PTPRO: variants seen among roughly 807,000 people sequenced by gnomAD.
PTPRO encodes the protein receptor-type tyrosine-protein phosphatase O.
Under a neutral mutation model 145.2 loss-of-function variants are expected in PTPRO, and 62 were observed. That is an observed-to-expected ratio of 0.43 (90% confidence interval 0.35 to 0.53). The LOEUF is 0.53. PTPRO is among the 20% of genes least tolerant of loss of function. PTPRO has a pLI of 0.01. For synonymous variants in PTPRO, 565 were observed against 514.7 expected (o/e 1.10, Z -1.32); for missense variants, 1,345 against 1,482.7 (o/e 0.91, Z 1.53).
chr12:15,384,103 T>C (rs1020131391), intron 1 of PTPRO, among the ~76,000 whole-genome samples: 8 of 152,100 alleles, frequency 5.3e-5, no homozygotes, highest in Admixed American at 6.5e-5. Context: ...GAGAGTATAA[T>C]AAGGCATGTA....
At chr12:15,403,349 G>A (rs545821002) in intron 1 of PTPRO, among the ~76,000 whole-genome samples, 117 of 152,110 alleles carry the variant, frequency 7.7e-4, no homozygotes, top group South Asian at 6.2e-3. Flanking sequence ...TTGGGAGGCC[G>A]AGGCGGATGG....
rs199577382 is a variant in PTPRO, at chr12:15,322,830, C to T, written c.75+29C>T. 3,116 of 1,603,472 alleles carry T rather than the reference C, an allele frequency of 1.9e-3. 26 individuals are homozygous for T. The highest frequency in any genetic ancestry group is 0.015 in the South Asian group (1,311 of 89,978). ...GGGGAGCTCCTCCACCCCTTTTTCC[C>T]AGCGGTCCGGGCGGCAGCCGCGCTC... On this transcript the variant is annotated intron_variant, in intron 1 of 26. Transcript: ENST00000281171. The surrounding 1 kb of genome is among the most constrained non-coding windows in gnomAD (Gnocchi z 6.3).
chr12:15,345,951 C>T (rs1220485137), intron 1 of PTPRO, among the ~76,000 whole-genome samples: 2 of 152,118 alleles, frequency 1.3e-5, no homozygotes, highest in Non-Finnish European at 2.9e-5. Context: ...CTCTGAGCCT[C>T]TCTCATAAGT....
intron 1 of PTPRO, among the ~76,000 whole-genome samples, chr12:15,352,603 T>C (rs919390943): frequency 2.1e-5 from 3 of 141,338 alleles, no homozygotes; most frequent in Non-Finnish European, 4.5e-5. Context: ...TGAGCCGGGA[T>C]CGCACCACTG....
Position 15,412,666 on chromosome 12 carries a change from A to T in PTPRO, c.76-71308A>T, listed in dbSNP as rs1468747755. On this transcript the variant is annotated intron_variant, in intron 1 of 26. Transcript: ENST00000281171. ...GATGATCTTTACATTCTGCAGAAAG[A>T]TTTACACTTTCAAATGCTAGCCATT... 3.3e-5 allele frequency among the ~76,000 whole-genome samples: 5 copies of T among 152,346 alleles called. No homozygotes were observed. The East Asian group carries it at 9.6e-4, about 29-fold the overall frequency.
intron 1 of PTPRO, among the ~76,000 whole-genome samples, chr12:15,426,635 T>G (rs980636814): frequency 1.3e-5 from 2 of 152,064 alleles, no homozygotes; most frequent in African/African-American, 4.8e-5. Context: ...CATCTTGTGT[T>G]TCAGGGAAGG....
chr12:15,459,355 C>G (rs1419085193), intron 1 of PTPRO, among the ~76,000 whole-genome samples: 1 of 152,098 alleles, frequency 6.6e-6, no homozygotes, highest in Non-Finnish European at 1.5e-5. Context: ...CACTCTGAGA[C>G]AGGTGAGACA....
At chr12:15,501,501 G>A in intron 4 of PTPRO, 119 bp from the exon 5 acceptor site, 3 of 919,360 alleles carry the variant, frequency 3.3e-6, no homozygotes, top group Non-Finnish European at 5.1e-6. Flanking sequence ...CTGTGTATCA[G>A]AAGTAAAATT....
At chr12:15,478,595 C>G (rs1283956054) in intron 1 of PTPRO, among the ~76,000 whole-genome samples, 1 of 152,132 alleles carries the variant, frequency 6.6e-6, no homozygotes, top group African/African-American at 2.4e-5. Context: ...GTTCTGTTTA[C>G]CCTATTGGCA....
rs2135665095 is a variant in PTPRO at position 15,586,993 on chromosome 12, G to T, written c.3352G>T (p.Val1118Leu). The change falls in exon 24 of 27, where the codon GTA becomes TTA. Residue 1118 changes from valine (V) to leucine (L), a missense_variant. Val to Leu is a conservative substitution (Grantham distance 32). Transcript: ENST00000281171. ...ANAAESILQF[V>L]HMVRQQATKS... The stretch of plus-strand genomic sequence containing the variant: ...TGCTGCAGAAAGTATCCTGCAGTTT[G>T]TACACATGGTCCGACAGCAAGCTAC... The T allele has an allele frequency of 1.2e-6, 2 of 1,614,074 alleles. No homozygotes were observed. The highest frequency in any genetic ancestry group is 2.2e-5 in the East Asian group (1 of 44,856).
At chr12:15,589,727 A>G in intron 25 of PTPRO, 137 bp downstream of exon 25, 1 of 1,095,578 alleles carries the variant, frequency 9.1e-7, no homozygotes, top group Non-Finnish European at 1.3e-6. Flanking sequence ...TATATGTTCA[A>G]ACTGCTTTGA....
At chr12:15,392,440 G>A (rs1215144688) in intron 1 of PTPRO, among the ~76,000 whole-genome samples, 5 of 150,572 alleles carry the variant, frequency 3.3e-5, no homozygotes, top group Non-Finnish European at 7.4e-5. Context: ...GGGAGCCCAG[G>A]CCAGGCATGG....
intron 1 of PTPRO, among the ~76,000 whole-genome samples, chr12:15,399,886 A>G (rs551482483): frequency 1.5e-4 from 22 of 151,338 alleles, no homozygotes; most frequent in East Asian, 1.2e-3. Flanking sequence ...CCTCATCTCT[A>G]CTAAAAATAC....
In PTPRO at chr12:15,526,214, T is replaced by C; in HGVS notation, c.2116T>C (p.Cys706Arg). 1 of 1,613,702 alleles carries C rather than the reference T, an allele frequency of 6.2e-7. No homozygotes were observed. Among genetic ancestry groups the C allele is most frequent in the Non-Finnish European group, 8.5e-7 (1 of 1,179,700 alleles). The change falls in exon 12 of 27, where the codon TGT (cysteine) becomes CGT (arginine). Residue 706 changes from cysteine (C) to arginine (R), a missense_variant. Transcript: ENST00000281171. ...GDIYNLSVTACTERGSNTSML... is the reference protein window; with the variant it reads ...GDIYNLSVTARTERGSNTSML... ...CATCTATAACCTCTCAGTAACTGCT[T>C]GTACTGAAAGAGGAAGTAATACCTC...
chr12:15,455,309 TC>T (rs200161071), intron 1 of PTPRO, among the ~76,000 whole-genome samples: 5 of 151,378 alleles, frequency 3.3e-5, no homozygotes, highest in Non-Finnish European at 7.4e-5. Context: ...CACTGCCCCT[TC>T]CCCCCCACAC....
At position 15,372,850 on chromosome 12, in the gene PTPRO, A is replaced by C. The variant is rs11056454; in HGVS notation, c.75+50049A>C. Among the ~76,000 whole-genome samples, 942 of 152,292 alleles carry C rather than the reference A, an allele frequency of 6.2e-3. 75 individuals are homozygous for C. The East Asian group carries it at 0.17, about 27-fold the overall frequency. On this transcript the variant is annotated intron_variant, in intron 1 of 26. Transcript: ENST00000281171. Reference sequence around the variant, plus strand: ...AGACTGAGAATAAATAGACTATCTTAGTCAGTGTCCATAATTTATGTAGGC... The same window carrying C: ...AGACTGAGAATAAATAGACTATCTTCGTCAGTGTCCATAATTTATGTAGGC...
intron 25 of PTPRO, among the ~76,000 whole-genome samples, chr12:15,590,596 C>T (rs1565450074): frequency 6.6e-6 from 1 of 152,192 alleles, no homozygotes; most frequent in East Asian, 1.9e-4. Flanking sequence ...CTTTCCCACT[C>T]CTTTTACTTT....
chr12:15,578,879 C>A lies in PTPRO; in HGVS notation c.2856C>A (p.Ile952=). ...AGTTGAAATTGATTGGACTGGATAT[C>A]CCACACTTTGCTGCAGATCTTCCAC... ...FEELKLIGLD[I]PHFAADLPLN... The change falls in exon 20 of 27, where the codon ATC becomes ATA. Residue 952 remains isoleucine (I), a synonymous_variant. Coordinates refer to ENST00000281171, the MANE Select transcript of PTPRO (RefSeq NM_030667.3). 6.2e-7 allele frequency: 1 copy of A among 1,605,110 alleles called. No individual in the cohort carries two copies. The highest frequency in any genetic ancestry group is 1.1e-5 in the South Asian group (1 of 90,894).
intron 24 of PTPRO, 127 bp downstream of exon 24, chr12:15,587,178 T>C: frequency 9.6e-7 from 1 of 1,042,018 alleles, no homozygotes; most frequent in Non-Finnish European, 1.4e-6. Context: ...TTTTTTAAAC[T>C]ATGATTAATT....
Sources: allele counts gnomAD v4.1 joint callset (sites outside exome capture counted in the v4.1 genomes callset), GRCh38; gene constraint gnomAD v4.1.1; non-coding constraint Gnocchi (gnomAD v3.1); transcripts MANE v1.5; gene names NCBI Gene and HGNC (gene_info 2026-07-23, HGNC 2026-07-21).